CD44: variants seen among roughly 807,000 people sequenced by gnomAD.
The protein encoded by CD44 is CD44 molecule (IN blood group).
Under a neutral mutation model 88.8 loss-of-function variants are expected in CD44, and 49 were observed. That is an observed-to-expected ratio of 0.55 (90% CI 0.44 to 0.70). CD44 has a LOEUF of 0.70. Among genes scored for constraint, CD44 ranks in the 30% least tolerant of loss-of-function variants. The pLI is 0.00. For synonymous variants in CD44, 325 were observed against 312.3 expected, an observed-to-expected ratio of 1.04 and a Z score of -0.43; for missense variants, 883 against 913.8, an observed-to-expected ratio of 0.97 and a Z score of 0.43.
At chr11:35,208,302 G>T in intron 12 of CD44, 96 bp downstream of exon 12, 1 of 834,282 alleles carries the variant, frequency 1.2e-6, no homozygotes, top group South Asian at 1.4e-5. Flanking sequence ...GTGGTGGAAT[G>T]GTGCTATGTG....
chr11:35,195,133 C>T (rs745352232), intron 5 of CD44, among the ~76,000 whole-genome samples: 11 of 152,154 alleles, frequency 7.2e-5, no homozygotes, highest in Non-Finnish European at 1.6e-4. Context: ...TGTATTGTTA[C>T]AGGAGCTTTG....
intron 17 of CD44, chr11:35,222,855 T>C (rs1205278736): frequency 2.0e-6 from 2 of 985,192 alleles, no homozygotes; most frequent in Non-Finnish European, 2.4e-6. Context: ...CCACCTTTAT[T>C]GTGTCCCCAG....
chr11:35,175,243 C>T (rs1212558295), intron 1 of CD44, among the ~76,000 whole-genome samples: 1 of 152,048 alleles, frequency 6.6e-6, no homozygotes, highest in Non-Finnish European at 1.5e-5. Flanking sequence ...AGAGAGGGAG[C>T]CAGGAGCCAG....
chr11:35,199,832 T>G (rs984639641), intron 7 of CD44, among the ~76,000 whole-genome samples: 1 of 151,980 alleles, frequency 6.6e-6, no homozygotes, highest in African/African-American at 2.4e-5. Context: ...ATACGTGGTC[T>G]TGATACTGAA....
chr11:35,209,941 T>C, intron 12 of CD44, 24 bp from the exon 13 acceptor site: 3 of 1,463,938 alleles, frequency 2.0e-6, no homozygotes, highest in Non-Finnish European at 2.8e-6. Flanking sequence ...AAATTAACAC[T>C]GGATTCATTC....
At chr11:35,219,643 G>C (rs933818492) in intron 16 of CD44, among the ~76,000 whole-genome samples, 2 of 152,198 alleles carry the variant, frequency 1.3e-5, no homozygotes, top group African/African-American at 4.8e-5. Flanking sequence ...GCCTGTCCCA[G>C]AGAAGTGCCA....
intron 3 of CD44, among the ~76,000 whole-genome samples, chr11:35,184,311 T>C (rs1305918642): frequency 6.6e-6 from 1 of 152,164 alleles, no homozygotes; most frequent in Non-Finnish European, 1.5e-5. Flanking sequence ...AAAACTGTCT[T>C]AGGGTTTGTG....
At chr11:35,188,755 C>T (rs562735043) in intron 4 of CD44, among the ~76,000 whole-genome samples, 13 of 151,846 alleles carry the variant, frequency 8.6e-5, no homozygotes, top group South Asian at 2.1e-4. Flanking sequence ...CTGGCCAACA[C>T]GGTAAAACCC....
At chr11:35,180,449 G>A (rs769118479) in intron 3 of CD44, 42 bp downstream of exon 3, 1 of 1,612,290 alleles carries the variant, frequency 6.2e-7, no homozygotes, top group South Asian at 1.1e-5. Context: ...AAAGGCTGTG[G>A]GAGCCTGGTC....
chr11:35,179,531 G>T (rs1350180545), intron 2 of CD44, among the ~76,000 whole-genome samples: 1 of 152,150 alleles, frequency 6.6e-6, no homozygotes, highest in East Asian at 1.9e-4. Flanking sequence ...GGGAGAGAGG[G>T]GCTATGCATT....
intron 13 of CD44, chr11:35,210,842 T>G (rs536108847): frequency 2.3e-5 from 4 of 173,678 alleles, no homozygotes; most frequent in Non-Finnish European, 1.3e-5. Flanking sequence ...GCTATTTTAA[T>G]TGCAGGCAGC....
intron 5 of CD44, among the ~76,000 whole-genome samples, chr11:35,196,333 C>A (rs573190392): frequency 2.0e-5 from 3 of 152,154 alleles, no homozygotes; most frequent in Non-Finnish European, 4.4e-5. Flanking sequence ...CACCACAGAT[C>A]CTAATTTGGC....
rs573103286 is a variant in CD44, at chr11:35,191,375, A to T, written c.667+1310A>T. 5.3e-5 allele frequency among the ~76,000 whole-genome samples: 8 copies of T among 152,322 alleles called. No homozygotes were observed. In the South Asian group the frequency reaches 1.7e-3, roughly 32 times the overall value. On this transcript the variant is annotated intron_variant, in intron 5 of 17. Transcript: ENST00000428726. ...TGCACATTCTTTGAAGCTTTTTAAAAAGCAGAGTTTTCAAGCTGCCCATAC... is the reference window on the plus strand; with the variant it reads ...TGCACATTCTTTGAAGCTTTTTAAATAGCAGAGTTTTCAAGCTGCCCATAC...
chr11:35,180,726 AC>A (rs1944904637), intron 3 of CD44, among the ~76,000 whole-genome samples: 1 of 152,192 alleles, frequency 6.6e-6, no homozygotes, highest in African/African-American at 2.4e-5. Flanking sequence ...TAAAACACAA[AC>A]AAAAATCACA....
intron 1 of CD44, among the ~76,000 whole-genome samples, chr11:35,146,709 C>T (rs891159449): frequency 6.6e-6 from 1 of 152,208 alleles, no homozygotes; most frequent in Non-Finnish European, 1.5e-5. Flanking sequence ...AGAGTTCATG[C>T]TCTTTGTCAC....
At chr11:35,143,604 C>T (rs1216405046) in intron 1 of CD44, among the ~76,000 whole-genome samples, 1 of 152,048 alleles carries the variant, frequency 6.6e-6, no homozygotes, top group Non-Finnish European at 1.5e-5. Flanking sequence ...GTCTGGAGGA[C>T]TTTGGAAGCT....
At chr11:35,173,899 A>G (rs1388331816) in intron 1 of CD44, among the ~76,000 whole-genome samples, 1 of 152,196 alleles carries the variant, frequency 6.6e-6, no homozygotes, top group Non-Finnish European at 1.5e-5. Context: ...AGTGGTTCAA[A>G]TCATGGGTTT....
chr11:35,215,707 A>C lies in CD44; in HGVS notation c.1873+793A>C, dbSNP rs535862126. ...GACCAGCCTGGCCAACCCTGTCTCTACTAAAAATACAAAAATTAGCCGGGC... is the reference window on the plus strand; with the variant it reads ...GACCAGCCTGGCCAACCCTGTCTCTCCTAAAAATACAAAAATTAGCCGGGC... On this transcript the variant is annotated intron_variant, in intron 15 of 17. Coordinates refer to ENST00000428726, the MANE Select transcript of CD44 (RefSeq NM_000610.4). 2.0e-5 allele frequency among the ~76,000 whole-genome samples: 3 copies of C among 151,862 alleles called. No individual in the cohort carries two copies. In the South Asian group the frequency reaches 6.3e-4, roughly 32 times the overall value.
At chr11:35,203,853 C>T (rs1408159455) in intron 9 of CD44, among the ~76,000 whole-genome samples, 2 of 152,156 alleles carry the variant, frequency 1.3e-5, no homozygotes, top group African/African-American at 4.8e-5. Context: ...GCCTGTCACA[C>T]ACTATTATTT....
Sources: allele counts gnomAD v4.1 joint callset (sites outside exome capture counted in the v4.1 genomes callset), GRCh38; gene constraint gnomAD v4.1.1; transcripts MANE v1.5; gene names NCBI Gene and HGNC (gene_info 2026-07-23, HGNC 2026-07-21).